Variants in EXOC6 observed in about 807,000 individuals in gnomAD.
EXOC6 encodes SEC15-like 1.
In EXOC6, 60 loss-of-function variants were observed where a neutral mutation model predicts 112.5. The observed-to-expected ratio is 0.53, with a 90% CI of 0.43 to 0.66. The LOEUF (loss-of-function observed/expected upper bound fraction) is 0.66, where lower values mean the gene tolerates loss of function less well. EXOC6 is among the 30% of genes least tolerant of loss of function. EXOC6 has a pLI of 0.00. For missense variants in EXOC6, 855 were observed against 957.1 expected (o/e 0.89, Z 1.41); for synonymous variants, 295 against 308.0 (o/e 0.96, Z 0.44).
chr10:92,836,840 C>T (rs1846673992), intron 1 of EXOC6, among the ~76,000 whole-genome samples: 1 of 152,110 alleles, frequency 6.6e-6, no homozygotes, highest in Admixed American at 6.6e-5. Flanking sequence ...ACAGGACTCT[C>T]ATTTCAGTCA....
At chr10:92,998,628 C>CCACACACACACA (rs55823754) in intron 19 of EXOC6, among the ~76,000 whole-genome samples, 61 of 141,440 alleles carry the variant, frequency 4.3e-4, no homozygotes, top group African/African-American at 1.2e-3. Context: ...CTGTTGCACA[C>CCACACACACACA]CACACACACA....
At chr10:92,960,592 C>A (rs370690495) in intron 17 of EXOC6, among the ~76,000 whole-genome samples, 530 of 112,386 alleles carry the variant, frequency 4.7e-3, no homozygotes, top group South Asian at 6.6e-3. Context: ...ATTTAAATTG[C>A]AAAAAAAAAA....
Position 92,955,599 on chromosome 10 carries a change from A to G in EXOC6, c.1658A>G (p.Asn553Ser). ...GLTELVQIII[N>S]TTHLEQACKY... ...TTCTAGCTGGTACAAATCATCATAA[A>G]CACAACACACCTGGAGCAAGCTTGT... Residue 553 changes from asparagine to serine, a missense_variant, in exon 17 of 22, where the codon AAC becomes AGC. Physicochemically the swap from Asn to Ser is conservative, Grantham distance 46. Coordinates refer to ENST00000260762, the MANE Select transcript of EXOC6 (RefSeq NM_019053.6). 1 of 1,611,484 alleles carries G rather than the reference A, an allele frequency of 6.2e-7. No homozygotes were observed. The highest frequency in any genetic ancestry group is 8.5e-7 in the Non-Finnish European group (1 of 1,178,682).
chr10:93,036,851 C>T (rs1247884413), intron 20 of EXOC6, among the ~76,000 whole-genome samples: 1 of 152,078 alleles, frequency 6.6e-6, no homozygotes, highest in East Asian at 1.9e-4. Context: ...GTGAGTTACA[C>T]AAGGATTAAA....
chr10:92,915,680 A>G (rs888263697), intron 6 of EXOC6, 78 bp from the exon 7 acceptor site: 1 of 1,082,958 alleles, frequency 9.2e-7, no homozygotes, highest in Non-Finnish European at 1.3e-6. Context: ...ATAAAAAAAA[A>G]CTATGAACAA....
intron 1 of EXOC6, among the ~76,000 whole-genome samples, chr10:92,868,161 T>C (rs933032863): frequency 3.9e-5 from 6 of 152,176 alleles, no homozygotes; most frequent in African/African-American, 9.6e-5. Flanking sequence ...TCCGGAGTTA[T>C]AGGGGAGTCC....
intron 1 of EXOC6, among the ~76,000 whole-genome samples, chr10:92,888,424 A>G (rs1324465613): frequency 6.6e-6 from 1 of 152,176 alleles, no homozygotes; most frequent in African/African-American, 2.4e-5. Context: ...CTAAACTGAA[A>G]TAGACTTCTG....
intron 19 of EXOC6, among the ~76,000 whole-genome samples, chr10:93,005,638 T>G (rs541635565): frequency 2.2e-4 from 34 of 152,190 alleles, no homozygotes; most frequent in Non-Finnish European, 4.4e-4. Flanking sequence ...TATTCTATAT[T>G]TGAAGTATCC....
intron 1 of EXOC6, among the ~76,000 whole-genome samples, chr10:92,850,419 T>A (rs1847267572): frequency 6.6e-6 from 1 of 152,232 alleles, no homozygotes; most frequent in South Asian, 2.1e-4. Flanking sequence ...TATATTTGTG[T>A]CTCATTTATA....
At chr10:92,896,619 ACT>A (rs1440734282) in intron 4 of EXOC6, among the ~76,000 whole-genome samples, 1 of 151,610 alleles carries the variant, frequency 6.6e-6, no homozygotes, top group Admixed American at 6.6e-5. Context: ...ACAGAGTCTC[ACT>A]CTGTTGGCCA....
intron 20 of EXOC6, among the ~76,000 whole-genome samples, chr10:93,040,394 G>A (rs1007511561): frequency 6.6e-6 from 1 of 152,072 alleles, no homozygotes; most frequent in African/African-American, 2.4e-5. Flanking sequence ...GACTACAGGT[G>A]CCTGCCACCA....
At chr10:92,988,110 C>T (rs1391289167) in intron 18 of EXOC6, among the ~76,000 whole-genome samples, 1 of 152,158 alleles carries the variant, frequency 6.6e-6, no homozygotes, top group East Asian at 1.9e-4. Flanking sequence ...CTACCCTGAT[C>T]CCAAACTGCA....
intron 1 of EXOC6, among the ~76,000 whole-genome samples, chr10:92,838,580 T>A (rs1846735291): frequency 6.6e-6 from 1 of 152,210 alleles, no homozygotes; most frequent in Non-Finnish European, 1.5e-5. Flanking sequence ...TTTATTTGCA[T>A]TGCCAATGAA....
intron 17 of EXOC6, among the ~76,000 whole-genome samples, chr10:92,962,382 A>AAT (rs892334990): frequency 2.9e-4 from 44 of 151,328 alleles, no homozygotes; most frequent in East Asian, 1.6e-3. Context: ...AAATGTTAAA[A>AAT]ATATATATAT....
Position 92,891,857 on chromosome 10 carries a change from C to T in EXOC6, c.102-1492C>T, listed in dbSNP as rs192944615. On this transcript the variant is annotated intron_variant, in intron 1 of 21. Coordinates refer to ENST00000260762, the MANE Select transcript of EXOC6 (RefSeq NM_019053.6). ...ATTAGAGAGTGTATTCATTAAAAACCTAAGACAGAGGCTACCCTCAAGAAG... is the reference window on the plus strand; with the variant it reads ...ATTAGAGAGTGTATTCATTAAAAACTTAAGACAGAGGCTACCCTCAAGAAG... Among the ~76,000 whole-genome samples the T allele has an allele frequency of 1.2e-3, 176 of 152,212 alleles. 1 individual carries two copies. The highest frequency in any genetic ancestry group is 3.9e-3 in the African/African-American group (163 of 41,540).
At chr10:92,907,180 G>A (rs1850489524) in intron 5 of EXOC6, among the ~76,000 whole-genome samples, 1 of 152,138 alleles carries the variant, frequency 6.6e-6, no homozygotes, top group Non-Finnish European at 1.5e-5. Context: ...CTGAATCCTA[G>A]TTTTAGGGAA....
chr10:92,967,557 A>G (rs938848073), intron 17 of EXOC6, among the ~76,000 whole-genome samples: 1 of 152,356 alleles, frequency 6.6e-6, no homozygotes, highest in Middle Eastern at 3.4e-3. Context: ...ACCCAGTTTT[A>G]TATCAATCTA....
At chr10:92,944,357 C>G (rs1852846856) in intron 13 of EXOC6, among the ~76,000 whole-genome samples, 1 of 152,060 alleles carries the variant, frequency 6.6e-6, no homozygotes, top group South Asian at 2.1e-4. Context: ...CTGCCTCAGC[C>G]TCCCAAGTAG....
At chr10:92,999,362 C>A in intron 19 of EXOC6, 1 of 356,946 alleles carries the variant, frequency 2.8e-6, no homozygotes, top group South Asian at 2.0e-5. Flanking sequence ...TGTGCCTGGC[C>A]ATTTTTATAA....
Sources: gnomAD v4.1 joint callset for allele counts (sites outside exome capture counted in the v4.1 genomes callset) on GRCh38, gnomAD v4.1.1 for gene constraint, MANE v1.5 for transcripts, NCBI Gene and HGNC (gene_info 2026-07-23, HGNC 2026-07-21) for gene names.